The following ETFA variants were observed in gnomAD, a reference collection of about 807,000 sequenced individuals.
ETFA encodes electron transfer flavoprotein subunit alpha, mitochondrial.
In ETFA, 22 loss-of-function variants were observed where a neutral mutation model predicts 46.2. The ratio of observed to expected loss-of-function variants is 0.48; its 90% CI spans 0.34 to 0.68. The LOEUF is 0.68. ETFA is among the 30% of genes least tolerant of loss of function. The pLI is 0.01. For missense variants in ETFA, 345 were observed against 401.1 expected, an observed-to-expected ratio of 0.86 and a Z score of 1.19; for synonymous variants, 131 against 139.9, an observed-to-expected ratio of 0.94 and a Z score of 0.45.
intron 11 of ETFA, among the ~76,000 whole-genome samples, 161 bp downstream of exon 11, chr15:76,225,682 CTTAACT>C (rs1567195757): frequency 1.3e-5 from 2 of 152,202 alleles, no homozygotes; most frequent in South Asian, 2.1e-4. Context: ...CTTAGAGCAA[CTTAACT>C]TTAAGTAGGT....
intron 9 of ETFA, chr15:76,260,974 A>G: frequency 6.2e-7 from 1 of 1,610,190 alleles, no homozygotes; most frequent in South Asian, 1.1e-5. Flanking sequence ...CCTGGCATCC[A>G]GGCCACACTA....
At chr15:76,289,790 A>C (rs2039741191) in intron 4 of ETFA, among the ~76,000 whole-genome samples, 1 of 152,194 alleles carries the variant, frequency 6.6e-6, no homozygotes, top group African/African-American at 2.4e-5. Context: ...TTCTCATTCC[A>C]AACCCATTTA....
At chr15:76,299,790 T>C (rs1372010730) in intron 1 of ETFA, among the ~76,000 whole-genome samples, 3 of 152,196 alleles carry the variant, frequency 2.0e-5, no homozygotes, top group Non-Finnish European at 4.4e-5. Flanking sequence ...CTCCTGGGTC[T>C]AATCCCTTCA....
intron 10 of ETFA, chr15:76,229,056 G>A (rs1206844716): frequency 6.6e-6 from 1 of 152,096 alleles, no homozygotes; most frequent in African/African-American, 2.4e-5. Context: ...ATATTACTGT[G>A]TATTAGTTCA....
intron 1 of ETFA, among the ~76,000 whole-genome samples, chr15:76,302,001 T>A (rs1206633665): frequency 1.3e-5 from 2 of 152,154 alleles, no homozygotes; most frequent in Non-Finnish European, 2.9e-5. Flanking sequence ...TACACACTTA[T>A]TAGAATGGTA....
At chr15:76,279,761 C>T (rs1036402067) in intron 8 of ETFA, among the ~76,000 whole-genome samples, 11 of 152,122 alleles carry the variant, frequency 7.2e-5, no homozygotes, top group African/African-American at 2.4e-4. Flanking sequence ...TGAAACACTC[C>T]ACTTGGGTTC....
chr15:76,277,591 C>T (rs2043989983), intron 8 of ETFA, among the ~76,000 whole-genome samples: 1 of 152,196 alleles, frequency 6.6e-6, no homozygotes, highest in Non-Finnish European at 1.5e-5. Flanking sequence ...CAACCTCCAT[C>T]TCCAGGATTC....
intron 9 of ETFA, among the ~76,000 whole-genome samples, chr15:76,243,573 G>A (rs1255738259): frequency 6.6e-6 from 1 of 152,178 alleles, no homozygotes; most frequent in South Asian, 2.1e-4. Flanking sequence ...CGAGGCGGGT[G>A]GATCACAACG....
At chr15:76,217,657 G>C (rs1000066709) in intron 11 of ETFA, 2 of 453,572 alleles carry the variant, frequency 4.4e-6, no homozygotes, top group African/African-American at 4.0e-5. Context: ...TGCTTGGACA[G>C]AGGAGAGCTG....
intron 10 of ETFA, chr15:76,227,804 C>T: frequency 2.2e-6 from 1 of 455,976 alleles, no homozygotes; most frequent in Middle Eastern, 3.3e-4. Context: ...ACAGGATATC[C>T]AACATCTGTG....
intron 8 of ETFA, among the ~76,000 whole-genome samples, chr15:76,282,667 T>C (rs2039667159): frequency 6.6e-6 from 1 of 152,166 alleles, no homozygotes; most frequent in Non-Finnish European, 1.5e-5. Flanking sequence ...TGTTATGTAA[T>C]AGAAATTTCG....
intron 9 of ETFA, among the ~76,000 whole-genome samples, chr15:76,233,325 CTT>C (rs66595585): frequency 3.2e-4 from 27 of 84,482 alleles, no homozygotes; most frequent in African/African-American, 1.0e-3. Context: ...ATTCAATAGG[CTT>C]TTTTTTTTTT....
intron 11 of ETFA, among the ~76,000 whole-genome samples, chr15:76,222,453 T>C (rs977478656): frequency 2.0e-5 from 3 of 152,224 alleles, no homozygotes; most frequent in Non-Finnish European, 4.4e-5. Flanking sequence ...TGTGCTCTTG[T>C]GTCAGAATTA....
intron 1 of ETFA, among the ~76,000 whole-genome samples, chr15:76,296,444 T>C (rs1303603972): frequency 1.3e-5 from 2 of 152,176 alleles, no homozygotes; most frequent in Non-Finnish European, 2.9e-5. Context: ...ACCAATTACA[T>C]TTGGTTACAT....
intron 11 of ETFA, among the ~76,000 whole-genome samples, chr15:76,225,051 A>G (rs747078063): frequency 5.3e-5 from 8 of 152,184 alleles, no homozygotes; most frequent in Non-Finnish European, 1.2e-4. Context: ...AAGGAAGGCC[A>G]TTAACCCACA....
chr15:76,301,520 G>T (rs1367678567), intron 1 of ETFA, among the ~76,000 whole-genome samples: 1 of 152,188 alleles, frequency 6.6e-6, no homozygotes, highest in Admixed American at 6.5e-5. Flanking sequence ...AGACCAGCCT[G>T]GTCAGTAGAG....
chr15:76,217,315 C>T (rs2038906457), intron 11 of ETFA, among the ~76,000 whole-genome samples: 1 of 152,210 alleles, frequency 6.6e-6, no homozygotes, highest in African/African-American at 2.4e-5. Flanking sequence ...AATTATGACT[C>T]CTGCCAACCT....
At chr15:76,301,496 A>G (rs1401229936) in intron 1 of ETFA, among the ~76,000 whole-genome samples, 2 of 152,216 alleles carry the variant, frequency 1.3e-5, no homozygotes, top group African/African-American at 4.8e-5. Context: ...GGATCACCTG[A>G]AGTCAGGAGT....
At chr15:76,266,094 G>A (rs191098109) in intron 9 of ETFA, among the ~76,000 whole-genome samples, 150 of 152,256 alleles carry the variant, frequency 9.9e-4, no homozygotes, top group African/African-American at 1.5e-3. Context: ...AGAAAAAATC[G>A]GGTAAATGGA....
Sources: allele counts gnomAD v4.1 joint callset (sites outside exome capture counted in the v4.1 genomes callset), GRCh38; gene constraint gnomAD v4.1.1; transcripts MANE v1.5; gene names NCBI Gene and HGNC (gene_info 2026-07-23, HGNC 2026-07-21).